Variants in SLCO3A1 observed in about 807,000 individuals in gnomAD.
SLCO3A1 encodes the protein solute carrier organic anion transporter family member 3A1.
In SLCO3A1, 27 loss-of-function variants were observed where a neutral mutation model predicts 63.1. The observed-to-expected ratio is 0.43, with a 90% CI of 0.32 to 0.59. SLCO3A1 has a LOEUF of 0.59. Among genes scored for constraint, SLCO3A1 ranks in the 20% least tolerant of loss-of-function variants. The probability of loss-of-function intolerance (pLI) is 0.09; values close to 1 mark genes in which losing one functional copy is unlikely to be tolerated. For missense variants in SLCO3A1, 773 were observed against 945.8 expected (o/e 0.82, Z 2.40); for synonymous variants, 473 against 409.9 (o/e 1.15, Z -1.86).
chr15:92,007,506 T>C (rs1259134093), intron 2 of SLCO3A1, among the ~76,000 whole-genome samples: 1 of 152,024 alleles, frequency 6.6e-6, no homozygotes, highest in Non-Finnish European at 1.5e-5. Context: ...AGTCACTGAA[T>C]AGGGATAGTG....
At chr15:92,142,707 A>T (rs1019171549) in intron 7 of SLCO3A1, among the ~76,000 whole-genome samples, 1 of 152,146 alleles carries the variant, frequency 6.6e-6, no homozygotes, top group African/African-American at 2.4e-5. Flanking sequence ...ACAAGGACAC[A>T]TTTAGCTCAC....
At chr15:92,026,458 T>C (rs2046574873) in intron 2 of SLCO3A1, among the ~76,000 whole-genome samples, 1 of 152,236 alleles carries the variant, frequency 6.6e-6, no homozygotes, top group Non-Finnish European at 1.5e-5. Context: ...GTTTTATTTT[T>C]ATTTTTCCTA....
At position 91,862,271 on chromosome 15, in the gene SLCO3A1, A is replaced by T. The variant is rs776253853; in HGVS notation, c.180+8183A>T. 6.6e-6 allele frequency among the ~76,000 whole-genome samples: 1 copy of T among 151,886 alleles called. No homozygotes were observed. Among genetic ancestry groups the T allele is most frequent in the Non-Finnish European group, 1.5e-5 (1 of 67,984 alleles). On this transcript the variant is annotated intron_variant, in intron 1 of 9. Transcript: ENST00000318445. This position sits in a 1 kb window ranked among gnomAD's most constrained non-coding sequence, Gnocchi z 4.0. ...CGGGTTCAAGCAATTCTCCTGCCTCAGCCTCCCCAGTAGCTGGGACTACAG... is the reference window on the plus strand; with the variant it reads ...CGGGTTCAAGCAATTCTCCTGCCTCTGCCTCCCCAGTAGCTGGGACTACAG...
intron 2 of SLCO3A1, among the ~76,000 whole-genome samples, chr15:92,048,972 G>A (rs2046924364): frequency 6.6e-6 from 1 of 152,168 alleles, no homozygotes; most frequent in South Asian, 2.1e-4. Context: ...TGAAATGATT[G>A]GCTTTAGCCC....
chr15:92,091,853 C>T (rs1034415128), intron 2 of SLCO3A1, among the ~76,000 whole-genome samples: 8 of 152,212 alleles, frequency 5.3e-5, no homozygotes, highest in Non-Finnish European at 1.0e-4. Context: ...TATCTTTGTT[C>T]AGCTGAAACC....
Position 91,941,946 on chromosome 15 carries a change from T to C in SLCO3A1, c.646+25488T>C, listed in dbSNP as rs1225184157. Among the ~76,000 whole-genome samples the C allele has an allele frequency of 6.6e-6, 1 of 152,208 alleles. No homozygotes were observed. Among genetic ancestry groups the C allele is most frequent in the Non-Finnish European group, 1.5e-5 (1 of 68,032 alleles). ...CAAATGGGGGCTTGCACCAGCGTACTGGCTGAGGACTGCCTGCCTTTGAGC... is the reference window on the plus strand; with the variant it reads ...CAAATGGGGGCTTGCACCAGCGTACCGGCTGAGGACTGCCTGCCTTTGAGC... On this transcript the variant is annotated intron_variant, in intron 2 of 9. Transcript: ENST00000318445. The surrounding 1 kb of genome is among the most constrained non-coding windows in gnomAD (Gnocchi z 4.4).
chr15:91,944,431 G>A (rs967032091), intron 2 of SLCO3A1, among the ~76,000 whole-genome samples: 2 of 152,110 alleles, frequency 1.3e-5, no homozygotes, highest in African/African-American at 4.8e-5. Flanking sequence ...AGCATTGGGT[G>A]AACCCTCTTC....
rs955253156 is a variant in SLCO3A1 at position 91,865,848 on chromosome 15, C to T, written c.180+11760C>T. Among the ~76,000 whole-genome samples, 9 of 152,114 alleles carry T rather than the reference C, an allele frequency of 5.9e-5. No individual in the cohort carries two copies. The highest frequency in any genetic ancestry group is 2.2e-4 in the African/African-American group (9 of 41,426). The stretch of plus-strand genomic sequence containing the variant: ...CTTCAGTTTATCTTTTTGGGGAAAA[C>T]AAATCAATTCATAACACCAGAGAAG... On this transcript the variant is annotated intron_variant, in intron 1 of 9. Transcript: ENST00000318445. The surrounding 1 kb of genome is among the most constrained non-coding windows in gnomAD (Gnocchi z 4.6).
intron 2 of SLCO3A1, among the ~76,000 whole-genome samples, chr15:92,032,382 G>A (rs899654980): frequency 5.9e-5 from 9 of 152,108 alleles, no homozygotes; most frequent in African/African-American, 2.2e-4. Context: ...CTTCAACACA[G>A]CATTCTAGGT....
At chr15:91,956,907 A>C (rs1900201255) in intron 2 of SLCO3A1, among the ~76,000 whole-genome samples, 1 of 116,976 alleles carries the variant, frequency 8.5e-6, no homozygotes, top group Non-Finnish European at 1.7e-5. Flanking sequence ...CTTCTGCCTC[A>C]GCCTCCCAAG....
rs1016967439 is a variant in SLCO3A1 at position 91,872,585 on chromosome 15, A to G, written c.180+18497A>G. 1.3e-5 allele frequency among the ~76,000 whole-genome samples: 2 copies of G among 152,270 alleles called. No homozygotes were observed. Among genetic ancestry groups the G allele is most frequent in the South Asian group, 2.1e-4 (1 of 4,824 alleles). Reference sequence around the variant, plus strand: ...GAAAGAAAGAACGTGCCCAAGCCCAAGTTGGCACAGCTAGTGTTTGATCTT... The same window carrying G: ...GAAAGAAAGAACGTGCCCAAGCCCAGGTTGGCACAGCTAGTGTTTGATCTT... On this transcript the variant is annotated intron_variant, in intron 1 of 9. Transcript: ENST00000318445. The surrounding 1 kb of genome is among the most constrained non-coding windows in gnomAD (Gnocchi z 4.1).
chr15:92,114,489 G>A (rs1053199325), intron 4 of SLCO3A1, among the ~76,000 whole-genome samples: 3 of 152,156 alleles, frequency 2.0e-5, no homozygotes, highest in Admixed American at 1.3e-4. Flanking sequence ...CAGCCTGCAC[G>A]GGGCACATTA....
At chr15:92,103,522 CATTA>C (rs3030618) in intron 3 of SLCO3A1, among the ~76,000 whole-genome samples, 2 of 150,202 alleles carry the variant, frequency 1.3e-5, no homozygotes, top group East Asian at 2.0e-4. Flanking sequence ...ACAAAGTTGG[CATTA>C]ATTAATTAAT....
intron 2 of SLCO3A1, among the ~76,000 whole-genome samples, chr15:91,975,776 G>A (rs1694747608): frequency 6.6e-6 from 1 of 152,202 alleles, no homozygotes; most frequent in Admixed American, 6.5e-5. Context: ...ACCCAGTGGT[G>A]GACGCTCCAA....
intron 1 of SLCO3A1, among the ~76,000 whole-genome samples, chr15:91,877,207 G>T (rs1897420943): frequency 6.6e-6 from 1 of 152,156 alleles, no homozygotes; most frequent in South Asian, 2.1e-4. Flanking sequence ...CACTTAAGTA[G>T]CTGTTTAATC....
chr15:92,151,229 A>C lies in SLCO3A1; in HGVS notation c.1753+215A>C, dbSNP rs185506024. 1,696 of 487,062 alleles carry C rather than the reference A, an allele frequency of 3.5e-3. 24 individuals carry two copies. Among genetic ancestry groups the C allele is most frequent in the African/African-American group, 0.029 (1,497 of 50,950 alleles). The allele number at this position is 487,062 out of a possible 1,614,324, so 30.2% of individuals were successfully genotyped here. On this transcript the variant is annotated intron_variant, in intron 9 of 9. Transcript: ENST00000318445. ...GAAGTTCTCATTTATACCAACTCTTATCTTCACGCCACCGTGAATTCTCAT... is the reference window on the plus strand; with the variant it reads ...GAAGTTCTCATTTATACCAACTCTTCTCTTCACGCCACCGTGAATTCTCAT...
chr15:92,143,466 ATAAATATATATATATAT>A (rs2048175459), intron 7 of SLCO3A1, among the ~76,000 whole-genome samples: 1 of 19,676 alleles, frequency 5.1e-5, no homozygotes, highest in African/African-American at 2.7e-4. Flanking sequence ...TATAATATAT[ATAAATATATATATATAT>A]TATATATATG....
Position 92,163,126 on chromosome 15 carries a change from C to T in SLCO3A1, c.2124C>T (p.Ser708=), listed in dbSNP as rs771453099. The stretch of plus-strand genomic sequence containing the variant: ...ATGAGTGGTGTGAAAACATGGAGTC[C>T]GTTTTATAGTGACTAAAGGAGGGCT... ...EDHEWCENME[S]VL is the part of the protein sequence containing the mutation. The change falls in exon 10 of 10, where the codon TCC becomes TCT. Residue 708 remains serine, a synonymous_variant. Coordinates refer to ENST00000318445, the MANE Select transcript of SLCO3A1 (RefSeq NM_013272.4). 6.0e-5 allele frequency: 91 copies of T among 1,515,648 alleles called. No homozygotes were observed. Among genetic ancestry groups the T allele is most frequent in the Non-Finnish European group, 7.5e-5 (85 of 1,133,854 alleles). 93.9% of individuals were successfully genotyped at this position (1,515,648 alleles called of 1,614,324 possible). A position where few individuals can be genotyped will look rare whatever the true frequency, so the allele number is the denominator to read the frequency against.
intron 2 of SLCO3A1, among the ~76,000 whole-genome samples, chr15:91,975,749 G>A (rs1163104081): frequency 6.6e-6 from 1 of 152,214 alleles, no homozygotes; most frequent in Non-Finnish European, 1.5e-5. Flanking sequence ...ATAACTATGA[G>A]ATTGCCCCTT....
Sources: gnomAD v4.1 joint callset for allele counts (sites outside exome capture counted in the v4.1 genomes callset) on GRCh38, gnomAD v4.1.1 for gene constraint, Gnocchi (gnomAD v3.1) non-coding constraint, MANE v1.5 for transcripts, NCBI Gene and HGNC (gene_info 2026-07-23, HGNC 2026-07-21) for gene names.